RANBP10: variants seen among roughly 807,000 people sequenced by gnomAD.
The protein encoded by RANBP10 is ran-binding protein 10.
In RANBP10, 24 loss-of-function variants were observed where a neutral mutation model predicts 72.8. The observed-to-expected ratio is 0.33, with a 90% confidence interval of 0.24 to 0.46. RANBP10 has a LOEUF of 0.46. Among genes scored for constraint, RANBP10 ranks in the 20% least tolerant of loss-of-function variants. RANBP10 has a pLI of 1.00. For synonymous variants in RANBP10, 310 were observed against 322.3 expected (o/e 0.96, Z 0.41); for missense variants, 679 against 817.5 (o/e 0.83, Z 2.07).
intron 2 of RANBP10, among the ~76,000 whole-genome samples, chr16:67,773,254 C>A (rs942789341): frequency 6.6e-6 from 1 of 152,164 alleles, no homozygotes; most frequent in Non-Finnish European, 1.5e-5. Context: ...GCACCTCCCC[C>A]CAACTTGTTC....
chr16:67,793,145 G>T (rs1040651739), intron 2 of RANBP10, among the ~76,000 whole-genome samples: 4 of 152,028 alleles, frequency 2.6e-5, no homozygotes, highest in Non-Finnish European at 4.4e-5. Context: ...AGACCCCACA[G>T]GGGTCTAACC....
intron 3 of RANBP10, among the ~76,000 whole-genome samples, chr16:67,753,479 G>T (rs2054233498): frequency 6.6e-6 from 1 of 152,188 alleles, no homozygotes; most frequent in South Asian, 2.1e-4. Context: ...GGGCAATAAA[G>T]ATTCTATTTA....
At chr16:67,792,152 T>C (rs1342782708) in intron 2 of RANBP10, among the ~76,000 whole-genome samples, 1 of 151,914 alleles carries the variant, frequency 6.6e-6, no homozygotes. Flanking sequence ...TACCCGCCCC[T>C]GCCCCAGGAA....
intron 2 of RANBP10, among the ~76,000 whole-genome samples, chr16:67,789,191 T>C (rs529421964): frequency 6.6e-6 from 1 of 150,584 alleles, no homozygotes; most frequent in African/African-American, 2.5e-5. Flanking sequence ...ACGCCTGTAG[T>C]CTCAGCTAGT....
intron 2 of RANBP10, among the ~76,000 whole-genome samples, chr16:67,791,140 A>C (rs561382490): frequency 6.6e-6 from 1 of 151,644 alleles, no homozygotes; most frequent in East Asian, 1.9e-4. Flanking sequence ...CAGCCTCCCA[A>C]GTAGCTGGGA....
At chr16:67,805,609 A>C in intron 1 of RANBP10, 70 bp from the exon 2 acceptor site, 1 of 1,289,678 alleles carries the variant, frequency 7.8e-7, no homozygotes, top group Non-Finnish European at 1.1e-6. Flanking sequence ...TTTTCTCTGC[A>C]ACTCCTCCAT....
intron 3 of RANBP10, among the ~76,000 whole-genome samples, chr16:67,771,271 A>G (rs927704361): frequency 6.6e-6 from 1 of 152,138 alleles, no homozygotes; most frequent in African/African-American, 2.4e-5. Flanking sequence ...ATATATAAAT[A>G]AAAAATAAAG....
intron 4 of RANBP10, 107 bp downstream of exon 4, chr16:67,744,181 C>T: frequency 6.6e-7 from 1 of 1,517,150 alleles, no homozygotes. Context: ...GGTGCGGTAC[C>T]CCAGAGCTCA....
chr16:67,735,044 TGAG>T lies in RANBP10; in HGVS notation c.592-5_592-3del, dbSNP rs753027982. ...GCCTACGGTGGGGTAGAGGTTGGCCTGAGGAGGAGAATGAAATGTCAGTCAGGC... is the reference window on the plus strand; with the variant it reads ...GCCTACGGTGGGGTAGAGGTTGGCCTGAGGAGAATGAAATGTCAGTCAGGC... On this transcript the variant is annotated splice_region_variant and splice_polypyrimidine_tract_variant and intron_variant, in intron 5 of 13. Transcript: ENST00000317506. 3 of 1,585,190 alleles carry T rather than the reference TGAG, an allele frequency of 1.9e-6. No homozygotes were observed. The highest frequency in any genetic ancestry group is 1.7e-4 in the Middle Eastern group (1 of 5,938).
chr16:67,731,625 CA>C, intron 6 of RANBP10, 41 bp from the exon 7 acceptor site: 1 of 1,470,814 alleles, frequency 6.8e-7, no homozygotes, highest in Non-Finnish European at 9.4e-7. Context: ...TCAAGAACTG[CA>C]CTTCTCACTG....
intron 3 of RANBP10, among the ~76,000 whole-genome samples, chr16:67,768,837 T>C (rs1014458132): frequency 6.6e-6 from 1 of 152,256 alleles, no homozygotes; most frequent in Admixed American, 6.5e-5. Flanking sequence ...CCATTTGCTT[T>C]GGTTTATTTT....
Position 67,729,495 on chromosome 16 carries a change from G to A in RANBP10, c.1148-11C>T, listed in dbSNP as rs555144681. 3.9e-5 allele frequency: 62 copies of A among 1,608,910 alleles called. No homozygotes were observed. Among genetic ancestry groups the A allele is most frequent in the Non-Finnish European group, 5.2e-5 (61 of 1,177,822 alleles). Reference sequence around the variant, plus strand: ...TGGGACTGTCTGCTCCTAGAAGCCAGGGTGACAGTCAGAAGAGGAGGGGCA... The same window carrying A: ...TGGGACTGTCTGCTCCTAGAAGCCAAGGTGACAGTCAGAAGAGGAGGGGCA... On this transcript the variant is annotated splice_polypyrimidine_tract_variant and intron_variant, in intron 9 of 13. Transcript: ENST00000317506. The surrounding 1 kb of genome is among the most constrained non-coding windows in gnomAD (Gnocchi z 7.1).
chr16:67,790,616 C>T (rs904915205), intron 2 of RANBP10, among the ~76,000 whole-genome samples: 3 of 151,808 alleles, frequency 2.0e-5, no homozygotes, highest in South Asian at 2.1e-4. Flanking sequence ...TCTGGCCTCA[C>T]ATTGGGGCCA....
In RANBP10 at chr16:67,797,056, G is replaced by A. The variant is rs117732282; in HGVS notation, c.347+8372C>T. ...ATTCCTTCCCAATGGTCCCATAATA[G>A]GAATGGCACACAGTGCCTGCCACAT... On this transcript the variant is annotated intron_variant, in intron 2 of 13. Transcript: ENST00000317506. 1.9e-3 allele frequency among the ~76,000 whole-genome samples: 285 copies of A among 152,224 alleles called. 2 individuals carry two copies. Among genetic ancestry groups the A allele is most frequent in the Non-Finnish European group, 3.1e-3 (214 of 68,006 alleles).
chr16:67,804,269 C>T (rs1312517801), intron 2 of RANBP10, among the ~76,000 whole-genome samples: 1 of 152,058 alleles, frequency 6.6e-6, no homozygotes, highest in African/African-American at 2.4e-5. Flanking sequence ...TCATAACTTA[C>T]ACACCTGCTT....
At chr16:67,734,791 C>A (rs1176803940) in intron 6 of RANBP10, 67 bp downstream of exon 6, 4 of 1,421,622 alleles carry the variant, frequency 2.8e-6, no homozygotes, top group Middle Eastern at 2.6e-4. Flanking sequence ...TGTAGCCCTA[C>A]AGGGGCCTAG....
At chr16:67,803,066 G>A (rs1165038002) in intron 2 of RANBP10, among the ~76,000 whole-genome samples, 1 of 152,260 alleles carries the variant, frequency 6.6e-6, no homozygotes, top group South Asian at 2.1e-4. Context: ...CACCATTTTA[G>A]TCAACATTAT....
At position 67,730,759 on chromosome 16, in the gene RANBP10, C is replaced by T. The variant is rs542705850; in HGVS notation, c.889+713G>A. ...CTTCTCTGGGAGACAGACACGTGCACATACAGAAGAGACAGCAGGCTTGGA... is the reference window on the plus strand; with the variant it reads ...CTTCTCTGGGAGACAGACACGTGCATATACAGAAGAGACAGCAGGCTTGGA... On this transcript the variant is annotated intron_variant, in intron 7 of 13. Coordinates refer to ENST00000317506, the MANE Select transcript of RANBP10 (RefSeq NM_020850.3). This position sits in a 1 kb window ranked among gnomAD's most constrained non-coding sequence, Gnocchi z 4.3. Among the ~76,000 whole-genome samples, 3 of 152,306 alleles carry T rather than the reference C, an allele frequency of 2.0e-5. No individual in the cohort carries two copies. In the East Asian group the frequency reaches 5.8e-4, roughly 29 times the overall value.
At chr16:67,794,517 C>A (rs1325559461) in intron 2 of RANBP10, among the ~76,000 whole-genome samples, 1 of 149,844 alleles carries the variant, frequency 6.7e-6, no homozygotes, top group Non-Finnish European at 1.5e-5. Context: ...AAAAATCCAA[C>A]ATATTCTTTT....
Sources: allele counts gnomAD v4.1 joint callset (sites outside exome capture counted in the v4.1 genomes callset), GRCh38; gene constraint gnomAD v4.1.1; non-coding constraint Gnocchi (gnomAD v3.1); transcripts MANE v1.5; gene names NCBI Gene and HGNC (gene_info 2026-07-23, HGNC 2026-07-21).